The following ELOVL6 variants were observed in gnomAD, a reference collection of about 807,000 sequenced individuals.
ELOVL6 encodes the protein very long chain fatty acid elongase 6.
ELOVL6 carries 8 observed loss-of-function variants against 31.7 expected under a neutral mutation model. The ratio of observed to expected loss-of-function variants is 0.25; its 90% CI spans 0.15 to 0.45. The LOEUF is 0.45. Among genes scored for constraint, ELOVL6 ranks in the 20% least tolerant of loss-of-function variants. The pLI is 1.00. For missense variants in ELOVL6, 126 were observed against 326.4 expected (o/e 0.39, Z 4.73); for synonymous variants, 101 against 117.7 (o/e 0.86, Z 0.92).
intron 1 of ELOVL6, among the ~76,000 whole-genome samples, chr4:110,164,259 A>C (rs1758706714): frequency 6.6e-6 from 1 of 152,184 alleles, no homozygotes; most frequent in Non-Finnish European, 1.5e-5. Context: ...CAGAATTGAA[A>C]CTGTGTCTGA....
At chr4:110,178,420 T>C (rs1213775415) in intron 1 of ELOVL6, among the ~76,000 whole-genome samples, 2 of 152,044 alleles carry the variant, frequency 1.3e-5, no homozygotes, top group African/African-American at 4.8e-5. Context: ...CGCACGCCTA[T>C]AGTCACTACT....
intron 1 of ELOVL6, among the ~76,000 whole-genome samples, chr4:110,153,949 T>C (rs1314750348): frequency 2.0e-5 from 3 of 152,162 alleles, no homozygotes; most frequent in Non-Finnish European, 4.4e-5. Context: ...AAACAGGAAG[T>C]TTTTTTCTCC....
chr4:110,197,386 C>CA (rs1759839804), intron 1 of ELOVL6, among the ~76,000 whole-genome samples: 1 of 152,138 alleles, frequency 6.6e-6, no homozygotes, highest in African/African-American at 2.4e-5. Flanking sequence ...CTACAGTAAA[C>CA]AAGAAAGGTG....
chr4:110,093,229 C>A (rs1267890120), intron 2 of ELOVL6: 3 of 306,066 alleles, frequency 9.8e-6, no homozygotes, highest in Non-Finnish European at 1.3e-5. Context: ...AAAAGAATCT[C>A]AAGTTTAACA....
chr4:110,183,211 G>A (rs1352755955), intron 1 of ELOVL6, among the ~76,000 whole-genome samples: 2 of 152,174 alleles, frequency 1.3e-5, no homozygotes, highest in African/African-American at 4.8e-5. Flanking sequence ...AGAACCTTAT[G>A]TAGAACCACA....
intron 1 of ELOVL6, among the ~76,000 whole-genome samples, chr4:110,139,876 C>T (rs183862282): frequency 7.4e-4 from 112 of 152,266 alleles, no homozygotes; most frequent in African/African-American, 1.7e-3. Flanking sequence ...GTTTAAGGTG[C>T]GCTTGTCCTA....
chr4:110,168,535 A>AT (rs1350559470), intron 1 of ELOVL6, among the ~76,000 whole-genome samples: 1 of 152,064 alleles, frequency 6.6e-6, no homozygotes, highest in African/African-American at 2.4e-5. Context: ...AAAAAAAAAA[A>AT]GTCAAATTCA....
chr4:110,129,971 CA>C (rs1399039212), intron 1 of ELOVL6, among the ~76,000 whole-genome samples: 12 of 134,670 alleles, frequency 8.9e-5, no homozygotes, highest in Non-Finnish European at 1.5e-5. Flanking sequence ...GATCTTGACT[CA>C]CTGCAGCCTC....
chr4:110,129,204 G>C (rs1757596718), intron 1 of ELOVL6, among the ~76,000 whole-genome samples: 2 of 152,066 alleles, frequency 1.3e-5, no homozygotes, highest in South Asian at 4.1e-4. Context: ...TCAAATAATT[G>C]TTATTGTTTT....
At chr4:110,189,613 A>AAAG (rs1553963363) in intron 1 of ELOVL6, among the ~76,000 whole-genome samples, 20 of 105,222 alleles carry the variant, frequency 1.9e-4, no homozygotes, top group East Asian at 9.3e-4. Context: ...AAAAAAAAAA[A>AAAG]AGAGAGAGAG....
chr4:110,086,234 A>G lies in ELOVL6; in HGVS notation c.221+19263T>C, dbSNP rs554891095. Reference sequence around the variant, plus strand: ...ATGGCATTTTAAGTCAGACCAATTAATCCTGATTCTGGAACCAGGTATGTG... The same window carrying G: ...ATGGCATTTTAAGTCAGACCAATTAGTCCTGATTCTGGAACCAGGTATGTG... On this transcript the variant is annotated intron_variant, in intron 2 of 3. Transcript: ENST00000302274. Among the ~76,000 whole-genome samples, 7 of 152,270 alleles carry G rather than the reference A, an allele frequency of 4.6e-5. No individual in the cohort carries two copies. The East Asian group carries it at 1.2e-3, about 25-fold the overall frequency.
rs61203029 is a variant in ELOVL6, at chr4:110,092,802, T to TACACAC, written c.221+12689_221+12694dup. Among the ~76,000 whole-genome samples, 23 of 150,264 alleles carry TACACAC rather than the reference T, an allele frequency of 1.5e-4. No individual in the cohort carries two copies. In the South Asian group the frequency reaches 2.3e-3, roughly 15 times the overall value. ...CAATTTTTAGTTCGAAATCTTGTAG[T>TACACAC]ACACACACACACACACACGTGCACA... On this transcript the variant is annotated intron_variant, in intron 2 of 3. Coordinates refer to ENST00000302274, the MANE Select transcript of ELOVL6 (RefSeq NM_024090.3).
At chr4:110,116,269 C>A (rs570810051) in intron 1 of ELOVL6, among the ~76,000 whole-genome samples, 2 of 152,342 alleles carry the variant, frequency 1.3e-5, no homozygotes, top group South Asian at 4.1e-4. Context: ...GTGGATTAAA[C>A]TAAATCGTAA....
At chr4:110,079,237 G>C (rs1755755321) in intron 2 of ELOVL6, among the ~76,000 whole-genome samples, 2 of 152,102 alleles carry the variant, frequency 1.3e-5, no homozygotes, top group African/African-American at 4.8e-5. Flanking sequence ...GCACCAAGTG[G>C]ACCTAATAGA....
At chr4:110,139,208 A>G (rs1335167914) in intron 1 of ELOVL6, among the ~76,000 whole-genome samples, 1 of 152,174 alleles carries the variant, frequency 6.6e-6, no homozygotes, top group Non-Finnish European at 1.5e-5. Flanking sequence ...AATAAGAAGA[A>G]ATTTCAGCTG....
At chr4:110,182,213 C>A (rs1759293678) in intron 1 of ELOVL6, among the ~76,000 whole-genome samples, 1 of 152,112 alleles carries the variant, frequency 6.6e-6, no homozygotes, top group Non-Finnish European at 1.5e-5. Flanking sequence ...TGTTTTTTAT[C>A]ATCCTCCCTT....
intron 1 of ELOVL6, among the ~76,000 whole-genome samples, chr4:110,108,704 T>C (rs1186443440): frequency 6.6e-6 from 1 of 152,240 alleles, no homozygotes; most frequent in Non-Finnish European, 1.5e-5. Flanking sequence ...AACATTGTCA[T>C]GGCTGTGGTC....
chr4:110,064,765 G>C (rs1755249364), intron 2 of ELOVL6, among the ~76,000 whole-genome samples: 1 of 152,146 alleles, frequency 6.6e-6, no homozygotes, highest in South Asian at 2.1e-4. Flanking sequence ...TGGGATTATA[G>C]ACGTGAGCTA....
intron 1 of ELOVL6, among the ~76,000 whole-genome samples, chr4:110,165,792 C>A (rs1758757848): frequency 6.6e-6 from 1 of 152,170 alleles, no homozygotes; most frequent in South Asian, 2.1e-4. Flanking sequence ...CCAGGTAACA[C>A]CTGCCTTGCA....
Sources: gnomAD v4.1 joint callset for allele counts (sites outside exome capture counted in the v4.1 genomes callset) on GRCh38, gnomAD v4.1.1 for gene constraint, MANE v1.5 for transcripts, NCBI Gene and HGNC (gene_info 2026-07-23, HGNC 2026-07-21) for gene names.